Variants in THSD4 observed in about 807,000 individuals in gnomAD.
THSD4 encodes the protein thrombospondin type-1 domain-containing protein 4.
A neutral mutation model predicts 119.0 loss-of-function variants in THSD4; 69 were observed. The observed-to-expected ratio is 0.58, with a 90% CI of 0.48 to 0.71. THSD4 has a LOEUF of 0.71. Among genes scored for constraint, THSD4 ranks in the 30% least tolerant of loss-of-function variants. The pLI, the probability that THSD4 is intolerant of heterozygous loss-of-function variation, is 0.00. For synonymous variants in THSD4, 524 were observed against 540.4 expected, an observed-to-expected ratio of 0.97 and a Z score of 0.42; for missense variants, 1,393 against 1,391.1, an observed-to-expected ratio of 1.00 and a Z score of -0.02.
intron 3 of THSD4, 50 bp downstream of exon 3, chr15:71,154,982 C>G: frequency 6.4e-7 from 1 of 1,572,104 alleles, no homozygotes; most frequent in Non-Finnish European, 8.7e-7. Context: ...GGGGCTAGGG[C>G]CACTGTGGTC....
intron 4 of THSD4, among the ~76,000 whole-genome samples, chr15:71,235,714 G>C (rs142917079): frequency 1.3e-5 from 2 of 150,716 alleles, no homozygotes; most frequent in African/African-American, 4.9e-5. Context: ...AGCCTCTCCC[G>C]AGTAGCTGGG....
At chr15:71,685,578 G>A (rs2051890744) in intron 8 of THSD4, among the ~76,000 whole-genome samples, 3 of 152,078 alleles carry the variant, frequency 2.0e-5, no homozygotes, top group Admixed American at 2.0e-4. Flanking sequence ...AAGACAGCTG[G>A]ATTCTCATAT....
At position 71,728,596 on chromosome 15, in the gene THSD4, A is replaced by G. The variant is rs746013195; in HGVS notation, c.1405A>G (p.Ile469Val). 3 of 1,614,080 alleles carry G rather than the reference A, an allele frequency of 1.9e-6. No homozygotes were observed. Among genetic ancestry groups the G allele is most frequent in the African/African-American group, 2.7e-5 (2 of 74,936 alleles). ...CTCCATCATCAATGGGAACTGGGCAATTGATCGACCAGGAAAATACGAGGG... is the reference window on the plus strand; with the variant it reads ...CTCCATCATCAATGGGAACTGGGCAGTTGATCGACCAGGAAAATACGAGGG... ...GRSIINGNWA[I>V]DRPGKYEGGG... Residue 469 changes from isoleucine (I) to valine (V), a missense_variant, in exon 9 of 18, where the codon ATT becomes GTT. By Grantham distance (29) the Ile-to-Val change is conservative (BLOSUM62 3). Transcript: ENST00000261862.
At position 71,616,365 on chromosome 15, in the gene THSD4, T is replaced by TAC. The variant is rs35212369; in HGVS notation, c.1153-44163_1153-44162dup. ...TCCTCTTATGTTTTGCTGGTCAGAC[T>TAC]ACATCATGTTCCATTCTTAGGTGCT... On this transcript the variant is annotated intron_variant, in intron 7 of 17. Transcript: ENST00000261862. Among the ~76,000 whole-genome samples the TAC allele has an allele frequency of 5.0e-3, 756 of 152,330 alleles. 17 individuals are homozygous for TAC. The highest frequency in any genetic ancestry group is 0.039 in the East Asian group (204 of 5,180).
Position 71,125,969 on chromosome 15 carries a change from C to T in THSD4, c.-80+10271C>T, listed in dbSNP as rs78352457. 4.9e-3 allele frequency among the ~76,000 whole-genome samples: 747 copies of T among 152,312 alleles called. 23 individuals are homozygous for T. In the East Asian group the frequency reaches 0.091, roughly 19 times the overall value. ...CAGGATGTGAAGGGAGGCAGCCGCTCGCTGTCCTTTGGCTGGTGAGATCTT... is the reference window on the plus strand; with the variant it reads ...CAGGATGTGAAGGGAGGCAGCCGCTTGCTGTCCTTTGGCTGGTGAGATCTT... On this transcript the variant is annotated intron_variant, in intron 1 of 17. Transcript: ENST00000261862.
chr15:71,560,906 C>CTTGACTCTCTG (rs1458446856), intron 7 of THSD4, among the ~76,000 whole-genome samples: 3 of 151,630 alleles, frequency 2.0e-5, no homozygotes, highest in Admixed American at 2.0e-4. Context: ...CAGGCCTGAG[C>CTTGACTCTCTG]TTGACTCTCT....
At chr15:71,480,454 T>C (rs1377044083) in intron 7 of THSD4, among the ~76,000 whole-genome samples, 1 of 152,260 alleles carries the variant, frequency 6.6e-6, no homozygotes, top group Non-Finnish European at 1.5e-5. Flanking sequence ...AAATTCCCTA[T>C]TTTTTGAAAT....
chr15:71,471,731 G>A (rs147741171), intron 7 of THSD4, among the ~76,000 whole-genome samples: 1 of 151,402 alleles, frequency 6.6e-6, no homozygotes, highest in African/African-American at 2.4e-5. Flanking sequence ...TATCAAGTGG[G>A]GGTCATAAAA....
intron 3 of THSD4, among the ~76,000 whole-genome samples, chr15:71,190,297 C>T (rs1240045921): frequency 6.6e-6 from 1 of 152,182 alleles, no homozygotes; most frequent in Non-Finnish European, 1.5e-5. Context: ...GAACGTGTGC[C>T]TTAATTGTTC....
At position 71,416,207 on chromosome 15, in the gene THSD4, C is replaced by T. The variant is rs528517032; in HGVS notation, c.1152+4384C>T. Among the ~76,000 whole-genome samples, 8 of 152,288 alleles carry T rather than the reference C, an allele frequency of 5.3e-5. No homozygotes were observed. In the South Asian group the frequency reaches 1.2e-3, roughly 24 times the overall value. The stretch of plus-strand genomic sequence containing the variant: ...CATTCTTCTTTGTGTCTAAATAGTA[C>T]TTTATTTTGTATATGTACCACATTT... On this transcript the variant is annotated intron_variant, in intron 7 of 17. Coordinates refer to ENST00000261862, the MANE Select transcript of THSD4 (RefSeq NM_024817.3).
At chr15:71,677,527 C>T (rs750000669) in intron 8 of THSD4, among the ~76,000 whole-genome samples, 7 of 152,166 alleles carry the variant, frequency 4.6e-5, no homozygotes, top group African/African-American at 7.2e-5. Flanking sequence ...TGTCTGACAG[C>T]GCACCTCCCT....
chr15:71,610,787 CTGAT>C (rs1321379934), intron 7 of THSD4, among the ~76,000 whole-genome samples: 3 of 152,150 alleles, frequency 2.0e-5, no homozygotes, highest in Admixed American at 6.5e-5. Context: ...AGGTAATGCT[CTGAT>C]AATCATTCTC....
intron 7 of THSD4, among the ~76,000 whole-genome samples, chr15:71,586,909 G>A (rs1001597187): frequency 6.6e-6 from 1 of 152,174 alleles, no homozygotes; most frequent in African/African-American, 2.4e-5. Flanking sequence ...TCAGTGCTAG[G>A]CCCTATGGAA....
intron 7 of THSD4, among the ~76,000 whole-genome samples, chr15:71,439,931 G>A (rs1031462075): frequency 4.6e-5 from 7 of 152,116 alleles, no homozygotes; most frequent in African/African-American, 1.7e-4. Context: ...GGGTTGATGG[G>A]TGCAGCAAAC....
chr15:71,691,214 A>T (rs966593848), intron 8 of THSD4, among the ~76,000 whole-genome samples: 3 of 152,224 alleles, frequency 2.0e-5, no homozygotes, highest in African/African-American at 7.2e-5. Flanking sequence ...CCGTAAAGGA[A>T]CACAGCCCTG....
chr15:71,270,576 C>T (rs2044516289), intron 6 of THSD4, among the ~76,000 whole-genome samples: 1 of 152,156 alleles, frequency 6.6e-6, no homozygotes, highest in Admixed American at 6.5e-5. Flanking sequence ...AAAACAAAGG[C>T]CTAGACTAGT....
chr15:71,524,086 C>G (rs2048480587), intron 7 of THSD4, among the ~76,000 whole-genome samples: 1 of 152,132 alleles, frequency 6.6e-6, no homozygotes, highest in Non-Finnish European at 1.5e-5. Context: ...ACAAGTGGTC[C>G]ACACACCTCT....
At chr15:71,742,725 C>G (rs1343912960) in intron 11 of THSD4, among the ~76,000 whole-genome samples, 1 of 151,766 alleles carries the variant, frequency 6.6e-6, no homozygotes, top group African/African-American at 2.4e-5. Flanking sequence ...AAAACTGACC[C>G]AAAGAAGGAA....
chr15:71,692,026 C>T (rs572868805), intron 8 of THSD4, among the ~76,000 whole-genome samples: 2 of 152,194 alleles, frequency 1.3e-5, no homozygotes, highest in African/African-American at 2.4e-5. Flanking sequence ...CCAGCTGGGA[C>T]GTTCACCAAA....
Sources: gnomAD v4.1 joint callset for allele counts (sites outside exome capture counted in the v4.1 genomes callset) on GRCh38, gnomAD v4.1.1 for gene constraint, MANE v1.5 for transcripts, NCBI Gene and HGNC (gene_info 2026-07-23, HGNC 2026-07-21) for gene names.